The following UBQLN1 variants were observed in gnomAD, a reference collection of about 807,000 sequenced individuals.
The protein encoded by UBQLN1 is ubiquilin 1.
In UBQLN1, 13 loss-of-function variants were observed where a neutral mutation model predicts 65.4. That is an observed-to-expected ratio of 0.20 (90% CI 0.13 to 0.32). The LOEUF (loss-of-function observed/expected upper bound fraction) is 0.32. Among genes scored for constraint, UBQLN1 ranks in the 10% least tolerant of loss-of-function variants. The pLI, the probability that UBQLN1 is intolerant of heterozygous loss-of-function variation, is 1.00. For missense variants in UBQLN1, 561 were observed against 724.0 expected, an observed-to-expected ratio of 0.77 and a Z score of 2.58; for synonymous variants, 267 against 247.8, an observed-to-expected ratio of 1.08 and a Z score of -0.73.
intron 7 of UBQLN1, chr9:83,668,371 T>C (rs1831676420): frequency 1.0e-6 from 1 of 985,414 alleles, no homozygotes; most frequent in Admixed American, 6.1e-5. Flanking sequence ...CCTGACACAC[T>C]ACAGAAGCCA....
chr9:83,661,371 A>T lies in UBQLN1; in HGVS notation c.*416T>A, dbSNP rs950487985. 1.8e-5 allele frequency: 3 copies of T among 164,490 alleles called. No homozygotes were observed. The highest frequency in any genetic ancestry group is 7.2e-5 in the African/African-American group (3 of 41,528). 10.2% of individuals were successfully genotyped at this position (164,490 alleles called of 1,614,324 possible). A position where few individuals can be genotyped will look rare whatever the true frequency, so the allele number is the denominator to read the frequency against. ...CTTACAGCATTGTTTGCAAAAATGCATGCCAAAGTCACAATAAGCAATACT... is the reference window on the plus strand; with the variant it reads ...CTTACAGCATTGTTTGCAAAAATGCTTGCCAAAGTCACAATAAGCAATACT... On this transcript the variant is annotated 3_prime_UTR_variant, in exon 11 of 11. Transcript: ENST00000376395.
Position 83,707,768 on chromosome 9 carries a change from C to A in UBQLN1, c.-89G>T. On this transcript the variant is annotated 5_prime_UTR_variant, in exon 1 of 11. Coordinates refer to ENST00000376395, the MANE Select transcript of UBQLN1 (RefSeq NM_013438.5). ...GCCAGCAGACACCAGAGCCGGCAGG[C>A]CTGGACAGCGAAGAATGCAGAGCAC... 3.5e-6 allele frequency: 5 copies of A among 1,448,724 alleles called. No individual in the cohort carries two copies. Among genetic ancestry groups the A allele is most frequent in the Non-Finnish European group, 4.5e-6 (5 of 1,107,754 alleles). 89.7% of individuals were successfully genotyped at this position (1,448,724 alleles called of 1,614,324 possible). A position where few individuals can be genotyped will look rare whatever the true frequency, so the allele number is the denominator to read the frequency against.
At chr9:83,681,551 T>C (rs1237090304) in intron 3 of UBQLN1, among the ~76,000 whole-genome samples, 2 of 152,210 alleles carry the variant, frequency 1.3e-5, no homozygotes, top group South Asian at 2.1e-4. Context: ...ATAAATACTT[T>C]GGCAAGGAAA....
Position 83,707,666 on chromosome 9 carries a change from C to A in UBQLN1, c.14G>T (p.Gly5Val). ...GGAGCCCGGAGGACCGCCGCTTTCACCACTCTCGGCCATGGCTGTGGCGGC... is the reference window on the plus strand; with the variant it reads ...GGAGCCCGGAGGACCGCCGCTTTCAACACTCTCGGCCATGGCTGTGGCGGC... MAESGESGGPPGSQD... is the reference protein window; with the variant it reads MAESVESGGPPGSQD... Residue 5 changes from glycine to valine, a missense_variant, in exon 1 of 11, where the codon GGT (glycine) becomes GTT (valine). Physicochemically the swap from Gly to Val is moderately radical, Grantham distance 109 (BLOSUM62 -3). Coordinates refer to ENST00000376395, the MANE Select transcript of UBQLN1 (RefSeq NM_013438.5). The A allele has an allele frequency of 6.4e-7, 1 of 1,551,568 alleles. No homozygotes were observed. Among genetic ancestry groups the A allele is most frequent in the Non-Finnish European group, 8.7e-7 (1 of 1,150,864 alleles).
chr9:83,701,924 T>C (rs1237388480), intron 1 of UBQLN1, among the ~76,000 whole-genome samples: 3 of 152,116 alleles, frequency 2.0e-5, no homozygotes, highest in Non-Finnish European at 4.4e-5. Context: ...GTCCACCACG[T>C]GATAGAAAAA....
intron 6 of UBQLN1, among the ~76,000 whole-genome samples, chr9:83,670,337 T>C (rs1173688830): frequency 1.3e-5 from 2 of 152,222 alleles, no homozygotes; most frequent in East Asian, 3.8e-4. Flanking sequence ...CTGTTTTTAA[T>C]AGTTCTTGTT....
intron 1 of UBQLN1, among the ~76,000 whole-genome samples, chr9:83,703,224 A>G (rs1341893739): frequency 1.3e-5 from 2 of 151,946 alleles, no homozygotes; most frequent in African/African-American, 2.4e-5. Flanking sequence ...TTTTGTATCT[A>G]TTTACTTACA....
chr9:83,682,565 C>G (rs1831960506), intron 3 of UBQLN1, among the ~76,000 whole-genome samples: 3 of 152,174 alleles, frequency 2.0e-5, no homozygotes, highest in African/African-American at 4.8e-5. Flanking sequence ...CCCAGACCCC[C>G]TTCCATGTGT....
chr9:83,677,688 G>A (rs1189735080), intron 6 of UBQLN1, 39 bp downstream of exon 6: 1 of 1,463,552 alleles, frequency 6.8e-7, no homozygotes, highest in Non-Finnish European at 9.5e-7. Context: ...ATGTAAATGA[G>A]GACAACAAAG....
rs1378152900 is a variant in UBQLN1, at chr9:83,707,699, G to A, written c.-20C>T. On this transcript the variant is annotated 5_prime_UTR_variant, in exon 1 of 11. Coordinates refer to ENST00000376395, the MANE Select transcript of UBQLN1 (RefSeq NM_013438.5). ...GGCCATGGCTGTGGCGGCGGCGGCG[G>A]CGGTGACTCAGGCAAGCAGGAGGGA... is the stretch of plus-strand genomic sequence containing the variant. 1.3e-6 allele frequency: 2 copies of A among 1,526,242 alleles called. No homozygotes were observed. Among genetic ancestry groups the A allele is most frequent in the Non-Finnish European group, 1.8e-6 (2 of 1,142,672 alleles). The allele number at this position is 1,526,242 out of a possible 1,614,324, so 94.5% of individuals were successfully genotyped here.
chr9:83,705,533 G>A (rs756313891), intron 1 of UBQLN1, among the ~76,000 whole-genome samples: 16 of 152,174 alleles, frequency 1.1e-4, no homozygotes, highest in South Asian at 6.2e-4. Context: ...GTGAGCCACC[G>A]CATCCGGCCC....
chr9:83,702,659 A>G (rs1235411485), intron 1 of UBQLN1, among the ~76,000 whole-genome samples: 2 of 152,348 alleles, frequency 1.3e-5, no homozygotes, highest in South Asian at 2.1e-4. Flanking sequence ...TTTTGTTCAT[A>G]CCAAATTTTC....
chr9:83,662,010 T>G (rs1313508206), intron 10 of UBQLN1, 71 bp from the exon 11 acceptor site: 2 of 1,447,082 alleles, frequency 1.4e-6, no homozygotes, highest in Admixed American at 2.2e-5. Context: ...CTTTTAAAAT[T>G]TTTTAATTGC....
intron 3 of UBQLN1, 121 bp downstream of exon 3, chr9:83,682,830 T>TC: frequency 2.0e-6 from 1 of 501,200 alleles, no homozygotes; most frequent in Non-Finnish European, 3.5e-6. Context: ...GTATGTTTTT[T>TC]TTTTTTAATT....
At chr9:83,697,997 G>A (rs1350347698) in intron 1 of UBQLN1, among the ~76,000 whole-genome samples, 1 of 152,062 alleles carries the variant, frequency 6.6e-6, no homozygotes, top group Non-Finnish European at 1.5e-5. Context: ...CGGCCTCCCA[G>A]AGTGCCGGGA....
intron 6 of UBQLN1, among the ~76,000 whole-genome samples, chr9:83,672,456 T>C (rs1831749348): frequency 6.6e-6 from 1 of 152,182 alleles, no homozygotes; most frequent in African/African-American, 2.4e-5. Flanking sequence ...TAGAGGCCAC[T>C]GTAGAGTTAT....
At chr9:83,664,683 T>C (rs1831614133) in intron 9 of UBQLN1, among the ~76,000 whole-genome samples, 2 of 151,996 alleles carry the variant, frequency 1.3e-5, no homozygotes, top group Admixed American at 1.3e-4. Context: ...GCCAAATCTC[T>C]TGAGCCCAGA....
At chr9:83,669,068 A>G (rs1831688676) in intron 7 of UBQLN1, 117 bp downstream of exon 7, 1 of 1,204,494 alleles carries the variant, frequency 8.3e-7, no homozygotes. Context: ...CAGTTTACTT[A>G]TTTTTCTAGT....
At chr9:83,680,715 A>G (rs1198688921) in intron 3 of UBQLN1, among the ~76,000 whole-genome samples, 2 of 152,184 alleles carry the variant, frequency 1.3e-5, no homozygotes, top group African/African-American at 4.8e-5. Flanking sequence ...TGTATCCTTT[A>G]TAATAAACAG....
Sources: allele counts gnomAD v4.1 joint callset (sites outside exome capture counted in the v4.1 genomes callset), GRCh38; gene constraint gnomAD v4.1.1; transcripts MANE v1.5; gene names NCBI Gene and HGNC (gene_info 2026-07-23, HGNC 2026-07-21).